Variants in DMD observed in about 807,000 individuals in gnomAD.
The protein encoded by DMD is dystrophin, also known as mutant dystrophin.
In DMD, 63 loss-of-function variants were observed where a neutral mutation model predicts 330.1. The observed-to-expected ratio is 0.19, with a 90% CI of 0.16 to 0.24. The LOEUF is 0.24. Among genes scored for constraint, DMD ranks in the 10% least tolerant of loss-of-function variants. DMD has a pLI of 1.00. For synonymous variants in DMD, 1,223 were observed against 959.8 expected, an observed-to-expected ratio of 1.27 and a Z score of -5.07; for missense variants, 3,344 against 2,684.1, an observed-to-expected ratio of 1.25 and a Z score of -5.43.
At chrX:32,257,754 C>T (rs778048746) in intron 43 of DMD, among the ~76,000 whole-genome samples, 6 of 111,093 alleles carry the variant, frequency 5.4e-5, no homozygotes, top group Admixed American at 2.9e-4. Flanking sequence ...GACACAAGTA[C>T]GGGGAAAGAC....
At chrX:33,227,520 G>T (rs1192688646) in intron 1 of DMD, among the ~76,000 whole-genome samples, 1 of 110,807 alleles carries the variant, frequency 9.0e-6, no homozygotes, top group Non-Finnish European at 1.9e-5. Flanking sequence ...TCTTAGTTGT[G>T]CATATTTTTC....
At chrX:33,001,451 C>T (rs981060999) in intron 2 of DMD, among the ~76,000 whole-genome samples, 10 of 111,919 alleles carry the variant, frequency 8.9e-5, no homozygotes, top group African/African-American at 2.9e-4. Context: ...TGTTGATAAA[C>T]TCATGCTTTT....
At chrX:32,388,166 G>A (rs1194656008) in intron 32 of DMD, among the ~76,000 whole-genome samples, 6 of 110,961 alleles carry the variant, frequency 5.4e-5, no homozygotes, top group Non-Finnish European at 9.5e-5. Context: ...AGTTTCCTTT[G>A]TACTGACGCA....
At chrX:31,148,732 A>G (rs1355791511) in intron 74 of DMD, among the ~76,000 whole-genome samples, 1 of 112,078 alleles carries the variant, frequency 8.9e-6, no homozygotes, top group Non-Finnish European at 1.9e-5. Flanking sequence ...GTGTTATCAG[A>G]CATTCAAGTT....
Position 32,441,206 on chromosome X carries a change from C to A in DMD, c.3895G>T (p.Ala1299Ser). 1 of 1,209,384 alleles carries A rather than the reference C, an allele frequency of 8.3e-7. No individual in the cohort carries two copies. Among genetic ancestry groups the A allele is most frequent in the Non-Finnish European group, 1.1e-6 (1 of 893,743 alleles). ...TCTAGCACCTCAGAGATTTCCTCAGCTCCGCCAGGAATGTTTTCAGTGGTT... is the reference window on the plus strand; with the variant it reads ...TCTAGCACCTCAGAGATTTCCTCAGATCCGCCAGGAATGTTTTCAGTGGTT... Reference protein sequence around the residue: ...LKTTENIPGGAEEISEVLDSL... With the variant: ...LKTTENIPGGSEEISEVLDSL... The change falls in exon 28 of 79, where the codon GCT (alanine) becomes TCT (serine). Residue 1299 changes from alanine to serine, a missense_variant. Coordinates refer to ENST00000357033, the MANE Select transcript of DMD (RefSeq NM_004006.3).
intron 48 of DMD, among the ~76,000 whole-genome samples, chrX:31,849,714 T>C (rs745866517): frequency 1.9e-4 from 21 of 110,246 alleles, no homozygotes; most frequent in South Asian, 1.2e-3. Flanking sequence ...TAAATATATA[T>C]GAATATATAT....
intron 1 of DMD, among the ~76,000 whole-genome samples, chrX:33,111,473 T>G (rs1019830341): frequency 1.8e-5 from 2 of 112,396 alleles, no homozygotes; most frequent in Non-Finnish European, 3.8e-5. Flanking sequence ...TGTGATTGAA[T>G]TTTTCAGCTT....
chrX:32,541,704 G>A (rs1385988154), intron 17 of DMD, among the ~76,000 whole-genome samples: 1 of 110,599 alleles, frequency 9.0e-6, no homozygotes, highest in Non-Finnish European at 1.9e-5. Context: ...CAGATATTAT[G>A]CTGATTACCT....
rs192550847 is a variant in DMD, at chrX:32,884,991, T to C, written c.94-35171A>G. 4.5e-5 allele frequency among the ~76,000 whole-genome samples: 5 copies of C among 112,138 alleles called. No individual in the cohort carries two copies. The East Asian group carries it at 1.4e-3, about 31-fold the overall frequency. ...TACCCATGCCTGAGAAAATGCTGTGTCTTATAAAGTCATATAATGCTGAAG... is the reference window on the plus strand; with the variant it reads ...TACCCATGCCTGAGAAAATGCTGTGCCTTATAAAGTCATATAATGCTGAAG... On this transcript the variant is annotated intron_variant, in intron 2 of 78. Transcript: ENST00000357033.
At chrX:32,590,522 C>T (rs1569263181) in intron 13 of DMD, among the ~76,000 whole-genome samples, 4 of 111,344 alleles carry the variant, frequency 3.6e-5, no homozygotes, top group Admixed American at 9.5e-5. Flanking sequence ...TGGGTGGGCA[C>T]CACCCAATCA....
chrX:31,491,515 A>G (rs762649368), intron 57 of DMD, among the ~76,000 whole-genome samples: 19 of 112,639 alleles, frequency 1.7e-4, no homozygotes, highest in Non-Finnish European at 3.0e-4. Context: ...AGACATAAAA[A>G]TTGGTCAGTT....
chrX:32,912,866 AAC>A (rs1215428370), intron 2 of DMD, among the ~76,000 whole-genome samples: 1 of 111,852 alleles, frequency 8.9e-6, no homozygotes, highest in Non-Finnish European at 1.9e-5. Context: ...CGAAGTAATA[AAC>A]ACATTTGGTT....
At chrX:32,815,510 T>TACACACAC (rs1316543721) in intron 6 of DMD, among the ~76,000 whole-genome samples, 3 of 58,682 alleles carry the variant, frequency 5.1e-5, no homozygotes, top group African/African-American at 2.3e-4. Flanking sequence ...TATATATATA[T>TACACACAC]ATATATATAT....
In DMD at chrX:31,575,392, C is replaced by T. The variant is rs974410619; in HGVS notation, c.8217+52281G>A. ...AGCTGGAACTATATCGAGCTCAACTCTGCAACTTAATTGTGAAATAAATAC... is the reference window on the plus strand; with the variant it reads ...AGCTGGAACTATATCGAGCTCAACTTTGCAACTTAATTGTGAAATAAATAC... On this transcript the variant is annotated intron_variant, in intron 55 of 78. Transcript: ENST00000357033. 2.7e-5 allele frequency among the ~76,000 whole-genome samples: 3 copies of T among 111,353 alleles called. No homozygotes were observed. In the Admixed American group the frequency reaches 2.9e-4, roughly 11 times the overall value.
chrX:32,157,136 T>C (rs1314408928), intron 44 of DMD, among the ~76,000 whole-genome samples: 1 of 112,487 alleles, frequency 8.9e-6, no homozygotes, highest in African/African-American at 3.2e-5. Context: ...AGGAAGTTAA[T>C]ACCTAAGTGG....
At chrX:32,909,916 A>C (rs192973570) in intron 2 of DMD, among the ~76,000 whole-genome samples, 1 of 111,720 alleles carries the variant, frequency 9.0e-6, no homozygotes, top group East Asian at 2.8e-4. Context: ...TCCACCCCAT[A>C]TCTTTCTTTC....
At chrX:32,151,736 T>G (rs1051683513) in intron 44 of DMD, among the ~76,000 whole-genome samples, 2 of 111,654 alleles carry the variant, frequency 1.8e-5, no homozygotes, top group Non-Finnish European at 3.8e-5. Context: ...TTGTTTTTTG[T>G]TTTTTATTGG....
chrX:32,126,785 G>C (rs993621994), intron 44 of DMD, among the ~76,000 whole-genome samples: 3 of 111,288 alleles, frequency 2.7e-5, no homozygotes, highest in Non-Finnish European at 5.7e-5. Flanking sequence ...GACCCTTTGG[G>C]GGATATTAAG....
At chrX:31,511,343 T>C (rs1478191533) in intron 55 of DMD, among the ~76,000 whole-genome samples, 1 of 107,693 alleles carries the variant, frequency 9.3e-6, no homozygotes. Flanking sequence ...TTTATTATTA[T>C]TATTATACTT....
Sources: allele counts gnomAD v4.1 joint callset (sites outside exome capture counted in the v4.1 genomes callset), GRCh38; gene constraint gnomAD v4.1.1; transcripts MANE v1.5; gene names NCBI Gene and HGNC (gene_info 2026-07-23, HGNC 2026-07-21).